The following SLIT3 variants were observed in gnomAD, a reference collection of about 807,000 sequenced individuals.
SLIT3 encodes slit guidance ligand 3.
In SLIT3, 68 loss-of-function variants were observed where a neutral mutation model predicts 184.0. The observed-to-expected ratio is 0.37, with a 90% CI of 0.30 to 0.45. The LOEUF (loss-of-function observed/expected upper bound fraction) is 0.45. Ranked by LOEUF, SLIT3 falls within the 20% of genes least tolerant of loss-of-function variation. SLIT3 has a pLI of 1.00. For synonymous variants in SLIT3, 831 were observed against 828.6 expected, an observed-to-expected ratio of 1.00 and a Z score of -0.05; for missense variants, 1,707 against 2,026.0, an observed-to-expected ratio of 0.84 and a Z score of 3.02.
intron 4 of SLIT3, among the ~76,000 whole-genome samples, chr5:169,128,887 T>C (rs1761181680): frequency 1.3e-5 from 2 of 152,120 alleles, no homozygotes. Context: ...CTCACGCTCA[T>C]CTGCTTGTCA....
At chr5:168,722,110 A>G in intron 23 of SLIT3, 146 bp downstream of exon 23, 2 of 689,418 alleles carry the variant, frequency 2.9e-6, no homozygotes, top group South Asian at 3.5e-5. Context: ...TCTCTACTCC[A>G]CTGAGCAAAT....
At chr5:169,120,508 C>G (rs189988457) in intron 4 of SLIT3, 2 of 152,224 alleles carry the variant, frequency 1.3e-5, no homozygotes, top group Non-Finnish European at 2.9e-5. Flanking sequence ...GAAATGAATT[C>G]TCTCCTAGGA....
At chr5:169,145,577 C>T (rs1057210519) in intron 4 of SLIT3, among the ~76,000 whole-genome samples, 5 of 152,138 alleles carry the variant, frequency 3.3e-5, no homozygotes, top group South Asian at 2.1e-4. Flanking sequence ...CCTTGTCACC[C>T]GTTAACAGAG....
chr5:168,804,463 G>T (rs1415577808), intron 9 of SLIT3, among the ~76,000 whole-genome samples: 2 of 152,114 alleles, frequency 1.3e-5, no homozygotes, highest in African/African-American at 4.8e-5. Context: ...AGGAGCAGGA[G>T]AAGTAGGTGA....
At chr5:168,909,894 A>C (rs1761198728) in intron 4 of SLIT3, among the ~76,000 whole-genome samples, 1 of 152,200 alleles carries the variant, frequency 6.6e-6, no homozygotes, top group South Asian at 2.1e-4. Flanking sequence ...AGTCTGAGCC[A>C]CATCACATTT....
chr5:168,722,998 C>T lies in SLIT3; in HGVS notation c.2346G>A (p.Leu782=). 6.2e-7 allele frequency: 1 copy of T among 1,613,674 alleles called. No homozygotes were observed. Among genetic ancestry groups the T allele is most frequent in the Non-Finnish European group, 8.5e-7 (1 of 1,179,638 alleles). ...SALRHLTLID[L]SNNSISMLTN... ...TCAGCATGCTGATGCTGTTGTTGCTCAGGTCACTAGGAAAAGTAAAACAGA... is the reference window on the plus strand; with the variant it reads ...TCAGCATGCTGATGCTGTTGTTGCTTAGGTCACTAGGAAAAGTAAAACAGA... The change falls in exon 22 of 36, where the codon CTG becomes CTA. Residue 782 remains leucine (L), a synonymous_variant. Transcript: ENST00000519560.
At chr5:169,187,120 T>TTTTTTTTG (rs1561723906) in intron 4 of SLIT3, among the ~76,000 whole-genome samples, 1 of 141,276 alleles carries the variant, frequency 7.1e-6, no homozygotes, top group Non-Finnish European at 1.6e-5. Flanking sequence ...GGTTTTTTTT[T>TTTTTTTTG]TTTTTTTTTT....
chr5:168,951,354 T>C lies in SLIT3; in HGVS notation c.414-68018A>G, dbSNP rs1281544254. ...AATATTATACATAAGGTTCTGTCCC[T>C]TTATCTCAGGAGATAACAGTCACAA... On this transcript the variant is annotated intron_variant, in intron 4 of 35. Transcript: ENST00000519560. Among the ~76,000 whole-genome samples, 18 of 152,284 alleles carry C rather than the reference T, an allele frequency of 1.2e-4. No individual in the cohort carries two copies. The East Asian group carries it at 2.1e-3, about 18-fold the overall frequency.
intron 4 of SLIT3, among the ~76,000 whole-genome samples, chr5:168,898,136 A>T (rs1397472156): frequency 6.6e-6 from 1 of 151,370 alleles, no homozygotes; most frequent in African/African-American, 2.4e-5. Flanking sequence ...TGCAGAATAT[A>T]TCGATTCCTG....
chr5:168,822,348 G>T (rs1477126295), intron 7 of SLIT3, among the ~76,000 whole-genome samples: 1 of 152,160 alleles, frequency 6.6e-6, no homozygotes, highest in African/African-American at 2.4e-5. Context: ...TATAGAGGAG[G>T]GAACAGAGGA....
At chr5:168,875,354 G>A (rs550261610) in intron 5 of SLIT3, among the ~76,000 whole-genome samples, 8 of 152,150 alleles carry the variant, frequency 5.3e-5, no homozygotes, top group Non-Finnish European at 8.8e-5. Context: ...GAAGGTGGCC[G>A]GGCATGGTGG....
intron 5 of SLIT3, among the ~76,000 whole-genome samples, chr5:168,856,731 T>G (rs1581150243): frequency 7.0e-6 from 1 of 143,842 alleles, no homozygotes; most frequent in South Asian, 2.1e-4. Flanking sequence ...CTCAGTAGAT[T>G]GCATTTGCAT....
intron 6 of SLIT3, among the ~76,000 whole-genome samples, chr5:168,838,985 A>C (rs1425887389): frequency 1.3e-5 from 2 of 152,168 alleles, no homozygotes; most frequent in African/African-American, 2.4e-5. Context: ...TCTTGTGATG[A>C]AGACGTGGAG....
chr5:168,684,440 T>C (rs1205793840), intron 31 of SLIT3, among the ~76,000 whole-genome samples: 1 of 152,186 alleles, frequency 6.6e-6, no homozygotes, highest in Admixed American at 6.5e-5. Context: ...GGCCCTTCTT[T>C]GGTTTCTCTG....
At chr5:169,044,009 C>T (rs1757536351) in intron 4 of SLIT3, among the ~76,000 whole-genome samples, 1 of 152,216 alleles carries the variant, frequency 6.6e-6, no homozygotes, top group African/African-American at 2.4e-5. Context: ...GAAACTTATT[C>T]TGATAGGAGA....
chr5:168,818,838 G>A (rs1757426759), intron 7 of SLIT3, among the ~76,000 whole-genome samples: 1 of 152,254 alleles, frequency 6.6e-6, no homozygotes, highest in African/African-American at 2.4e-5. Context: ...GTGGGCAAAA[G>A]CCTCCCATAG....
intron 4 of SLIT3, among the ~76,000 whole-genome samples, chr5:168,982,707 T>C (rs1374073538): frequency 1.3e-5 from 2 of 152,184 alleles, no homozygotes; most frequent in African/African-American, 4.8e-5. Flanking sequence ...CCTCACAAAG[T>C]TTTTATTAAT....
chr5:168,872,482 G>A (rs1442545853), intron 5 of SLIT3, among the ~76,000 whole-genome samples: 1 of 152,020 alleles, frequency 6.6e-6, no homozygotes, highest in Non-Finnish European at 1.5e-5. Flanking sequence ...AAGAGAAACT[G>A]TATGGTTGTG....
Position 168,673,350 on chromosome 5 carries a change from G to T in SLIT3, c.3687-19C>A. 5.0e-6 allele frequency: 8 copies of T among 1,612,992 alleles called. No homozygotes were observed. The highest frequency in any genetic ancestry group is 6.8e-6 in the Non-Finnish European group (8 of 1,179,060). On this transcript the variant is annotated intron_variant, in intron 32 of 35. Transcript: ENST00000519560. Reference sequence around the variant, plus strand: ...CTCCACACTGGCCAGTAGAGAAGGGGAGAAAGCCGGAGAGTTCACTAAGGG... The same window carrying T: ...CTCCACACTGGCCAGTAGAGAAGGGTAGAAAGCCGGAGAGTTCACTAAGGG...
Sources: allele counts gnomAD v4.1 joint callset (sites outside exome capture counted in the v4.1 genomes callset), GRCh38; gene constraint gnomAD v4.1.1; transcripts MANE v1.5; gene names NCBI Gene and HGNC (gene_info 2026-07-23, HGNC 2026-07-21).